Variants in FRMD5 observed in about 807,000 individuals in gnomAD.
FRMD5 encodes the protein FERM domain-containing protein 5.
A neutral mutation model predicts 69.0 loss-of-function variants in FRMD5; 20 were observed. The observed-to-expected ratio is 0.29, with a 90% CI of 0.20 to 0.42. The LOEUF (loss-of-function observed/expected upper bound fraction) is 0.42, where lower values mean the gene tolerates loss of function less well. Ranked by LOEUF, FRMD5 falls within the 10% of genes least tolerant of loss-of-function variation. FRMD5 has a pLI of 1.00. For missense variants in FRMD5, 595 were observed against 708.6 expected, an observed-to-expected ratio of 0.84 and a Z score of 1.82; for synonymous variants, 271 against 260.1, an observed-to-expected ratio of 1.04 and a Z score of -0.40.
rs897420800 is a variant in FRMD5, at chr15:44,005,535, G to C, written c.103-81226C>G. ...GAGAGTGGGTAATTTACAAAGAAAA[G>C]AGGTTTAATTGACTCAGTTCTGCAG... On this transcript the variant is annotated intron_variant, in intron 1 of 13. Transcript: ENST00000417257. Among the ~76,000 whole-genome samples the C allele has an allele frequency of 4.7e-5, 7 of 149,218 alleles. No homozygotes were observed. The East Asian group carries it at 1.4e-3, about 29-fold the overall frequency.
chr15:44,194,381 C>A (rs556116484), intron 1 of FRMD5: 1 of 156,754 alleles, frequency 6.4e-6, no homozygotes, highest in South Asian at 1.9e-4. Flanking sequence ...GGGCCTAAAT[C>A]TCTAAAACCC....
intron 1 of FRMD5, among the ~76,000 whole-genome samples, chr15:44,138,798 T>A (rs1340820640): frequency 1.3e-5 from 2 of 152,194 alleles, no homozygotes; most frequent in African/African-American, 4.8e-5. Context: ...AGTGGCAACA[T>A]GGATGAACCT....
chr15:43,897,304 A>T (rs2088933779), intron 7 of FRMD5, among the ~76,000 whole-genome samples: 1 of 151,954 alleles, frequency 6.6e-6, no homozygotes, highest in South Asian at 2.1e-4. Flanking sequence ...CCTGGCCAAC[A>T]TGGTGAAATT....
intron 1 of FRMD5, among the ~76,000 whole-genome samples, chr15:44,191,572 C>A (rs897259032): frequency 2.0e-5 from 3 of 151,548 alleles, no homozygotes; most frequent in Non-Finnish European, 4.4e-5. Flanking sequence ...GGCAACAGAG[C>A]GAGACTCCAC....
intron 1 of FRMD5, among the ~76,000 whole-genome samples, chr15:44,085,384 G>C (rs988589130): frequency 6.6e-6 from 1 of 152,016 alleles, no homozygotes; most frequent in African/African-American, 2.4e-5. Flanking sequence ...AAAACTCAAA[G>C]AAACTTCAGA....
intron 1 of FRMD5, among the ~76,000 whole-genome samples, chr15:43,951,291 G>A (rs771658177): frequency 7.9e-5 from 12 of 151,754 alleles, no homozygotes; most frequent in Non-Finnish European, 1.3e-4. Context: ...GCATGGTGGC[G>A]GGCACCTGTA....
chr15:44,177,910 C>G (rs1465368333), intron 1 of FRMD5, among the ~76,000 whole-genome samples: 1 of 152,102 alleles, frequency 6.6e-6, no homozygotes, highest in Non-Finnish European at 1.5e-5. Context: ...TTACAGGGTG[C>G]TGAAAATATT....
chr15:43,994,527 T>G (rs1428987993), intron 1 of FRMD5, among the ~76,000 whole-genome samples: 1 of 152,166 alleles, frequency 6.6e-6, no homozygotes, highest in Non-Finnish European at 1.5e-5. Flanking sequence ...GCCTCCCAGG[T>G]TCAACTGATT....
chr15:44,171,659 C>T (rs2140530635), intron 1 of FRMD5, among the ~76,000 whole-genome samples: 1 of 152,256 alleles, frequency 6.6e-6, no homozygotes, highest in East Asian at 1.9e-4. Context: ...GGCATTGATA[C>T]TTCACCTACC....
At chr15:44,138,669 C>A (rs1447699802) in intron 1 of FRMD5, among the ~76,000 whole-genome samples, 1 of 151,886 alleles carries the variant, frequency 6.6e-6, no homozygotes, top group East Asian at 1.9e-4. Flanking sequence ...GAAAGAAGAG[C>A]CCAAAGAAGG....
Position 44,003,406 on chromosome 15 carries a change from AATG to A in FRMD5, c.103-79100_103-79098del, listed in dbSNP as rs558449525. Among the ~76,000 whole-genome samples, 5 of 152,276 alleles carry A rather than the reference AATG, an allele frequency of 3.3e-5. No individual in the cohort carries two copies. The East Asian group carries it at 9.6e-4, about 29-fold the overall frequency. On this transcript the variant is annotated intron_variant, in intron 1 of 13. Transcript: ENST00000417257. Reference sequence around the variant, plus strand: ...TTTCAATCACTCCTCTTAACATTCCAATGATCACAAAACACTCAGATGTAGGTT... The same window carrying A: ...TTTCAATCACTCCTCTTAACATTCCAATCACAAAACACTCAGATGTAGGTT...
chr15:43,978,101 C>T (rs1297100498), intron 1 of FRMD5, among the ~76,000 whole-genome samples: 1 of 152,092 alleles, frequency 6.6e-6, no homozygotes, highest in African/African-American at 2.4e-5. Context: ...TGACCGGGAC[C>T]GCTTGCAGGC....
chr15:44,034,117 T>C (rs573562166), intron 1 of FRMD5, among the ~76,000 whole-genome samples: 2 of 152,310 alleles, frequency 1.3e-5, no homozygotes, highest in South Asian at 4.1e-4. Flanking sequence ...ACTGTTACTC[T>C]TGTTTCCTTG....
chr15:43,888,841 T>C lies in FRMD5; in HGVS notation c.760A>G (p.Lys254Glu). ...NEVTKLKFEG[K>E]TFYLYVSQKE... ...TGACTTACGTATAAATAGAAAGTCT[T>C]TCCTTCAAATTTCAGCTTGGTCACC... The change falls in exon 9 of 14, where the codon AAG becomes GAG. Residue 254 changes from lysine to glutamate, a missense_variant. Physicochemically the swap from Lys to Glu is moderately conservative, Grantham distance 56 (BLOSUM62 1). Coordinates refer to ENST00000417257, the MANE Select transcript of FRMD5 (RefSeq NM_032892.5). 1.2e-6 allele frequency: 2 copies of C among 1,614,054 alleles called. No individual in the cohort carries two copies. Among genetic ancestry groups the C allele is most frequent in the Non-Finnish European group, 1.7e-6 (2 of 1,179,928 alleles).
intron 1 of FRMD5, among the ~76,000 whole-genome samples, chr15:44,120,151 G>A (rs987750469): frequency 6.6e-6 from 1 of 152,126 alleles, no homozygotes; most frequent in Non-Finnish European, 1.5e-5. Flanking sequence ...AGGAGTTTGG[G>A]CTTTATGCTG....
chr15:44,026,425 T>G (rs1441900837), intron 1 of FRMD5, among the ~76,000 whole-genome samples: 1 of 151,826 alleles, frequency 6.6e-6, no homozygotes, highest in Non-Finnish European at 1.5e-5. Context: ...TAACTATTAC[T>G]GTATTTCTCA....
chr15:44,015,963 G>A (rs1300938733), intron 1 of FRMD5, among the ~76,000 whole-genome samples: 1 of 152,182 alleles, frequency 6.6e-6, no homozygotes, highest in East Asian at 1.9e-4. Context: ...ACAATATTCA[G>A]ATACAGGGAG....
intron 1 of FRMD5, among the ~76,000 whole-genome samples, chr15:44,141,523 A>G (rs2077273801): frequency 6.6e-6 from 1 of 152,210 alleles, no homozygotes; most frequent in Admixed American, 6.5e-5. Flanking sequence ...AAATTAGATC[A>G]CTACCATATA....
Position 44,069,175 on chromosome 15 carries a change from A to G in FRMD5, c.102+125778T>C, listed in dbSNP as rs185208549. On this transcript the variant is annotated intron_variant, in intron 1 of 13. Transcript: ENST00000417257. ...GGCTAAAATAAAAAATAGTGACAAC[A>G]CCAAATGCTGGCAAGGATGCAAAGA... 2.1e-3 allele frequency among the ~76,000 whole-genome samples: 313 copies of G among 152,328 alleles called. 1 individual carries two copies. The highest frequency in any genetic ancestry group is 7.1e-3 in the African/African-American group (296 of 41,574).
Sources: allele counts gnomAD v4.1 joint callset (sites outside exome capture counted in the v4.1 genomes callset), GRCh38; gene constraint gnomAD v4.1.1; transcripts MANE v1.5; gene names NCBI Gene and HGNC (gene_info 2026-07-23, HGNC 2026-07-21).